The following NKAIN2 variants were observed in gnomAD, a reference collection of about 807,000 sequenced individuals.
NKAIN2 encodes the protein sodium/potassium transporting ATPase interacting 2.
A neutral mutation model predicts 32.6 loss-of-function variants in NKAIN2; 14 were observed. The ratio of observed to expected loss-of-function variants is 0.43; its 90% CI spans 0.28 to 0.67. The LOEUF (loss-of-function observed/expected upper bound fraction) is 0.67. Among genes scored for constraint, NKAIN2 ranks in the 30% least tolerant of loss-of-function variants. The pLI is 0.17. For missense variants in NKAIN2, 198 were observed against 258.3 expected, an observed-to-expected ratio of 0.77 and a Z score of 1.60; for synonymous variants, 80 against 87.2, an observed-to-expected ratio of 0.92 and a Z score of 0.46.
At chr6:124,050,046 C>T (rs1279137240) in intron 1 of NKAIN2, among the ~76,000 whole-genome samples, 2 of 151,874 alleles carry the variant, frequency 1.3e-5, no homozygotes, top group African/African-American at 4.8e-5. Flanking sequence ...AAGAAATTTG[C>T]GTGTAGTATA....
At chr6:124,007,029 C>T (rs1161787820) in intron 1 of NKAIN2, among the ~76,000 whole-genome samples, 1 of 152,126 alleles carries the variant, frequency 6.6e-6, no homozygotes, top group East Asian at 1.9e-4. Context: ...ATTGTGCAAA[C>T]ATCATACAGT....
chr6:124,468,560 A>C (rs906182136), intron 3 of NKAIN2, among the ~76,000 whole-genome samples: 81 of 152,152 alleles, frequency 5.3e-4, no homozygotes, highest in African/African-American at 1.9e-3. Flanking sequence ...ACACATGGTT[A>C]TTACTCAGCC....
At chr6:124,450,699 T>C (rs1358160439) in intron 3 of NKAIN2, among the ~76,000 whole-genome samples, 1 of 151,946 alleles carries the variant, frequency 6.6e-6, no homozygotes, top group Non-Finnish European at 1.5e-5. Context: ...TTAAATACAG[T>C]GAAAATACTA....
intron 1 of NKAIN2, among the ~76,000 whole-genome samples, chr6:124,173,420 G>A (rs1788994074): frequency 6.6e-6 from 1 of 152,042 alleles, no homozygotes. Flanking sequence ...AATGAAGTGA[G>A]ATACCTATTC....
intron 3 of NKAIN2, among the ~76,000 whole-genome samples, chr6:124,442,525 C>A (rs1289553866): frequency 6.6e-6 from 1 of 152,036 alleles, no homozygotes; most frequent in African/African-American, 2.4e-5. Flanking sequence ...GCATGGGGAT[C>A]TAAGACACCG....
At chr6:124,011,193 C>T (rs1780306327) in intron 1 of NKAIN2, among the ~76,000 whole-genome samples, 1 of 152,114 alleles carries the variant, frequency 6.6e-6, no homozygotes, top group South Asian at 2.1e-4. Context: ...CTTTTGTTCT[C>T]CTTCTGACTC....
intron 1 of NKAIN2, among the ~76,000 whole-genome samples, chr6:123,939,862 A>G (rs1031470577): frequency 2.0e-5 from 3 of 151,904 alleles, no homozygotes; most frequent in Non-Finnish European, 4.4e-5. Flanking sequence ...CCATAATGAC[A>G]GAATTCTTCT....
chr6:124,292,246 T>G (rs546972242), intron 2 of NKAIN2, among the ~76,000 whole-genome samples: 21 of 152,130 alleles, frequency 1.4e-4, no homozygotes, highest in Non-Finnish European at 2.4e-4. Flanking sequence ...GCATGCAAAA[T>G]TCTCCCTAGC....
intron 3 of NKAIN2, among the ~76,000 whole-genome samples, chr6:124,366,636 A>T (rs1167873266): frequency 6.6e-6 from 1 of 152,116 alleles, no homozygotes; most frequent in Non-Finnish European, 1.5e-5. Context: ...ATAACAGATT[A>T]CTGAACTCAA....
chr6:124,291,008 A>G (rs1795789357), intron 2 of NKAIN2, among the ~76,000 whole-genome samples: 1 of 152,054 alleles, frequency 6.6e-6, no homozygotes. Context: ...GCTTTCTTAA[A>G]TTCCATCTAT....
chr6:124,713,752 G>A (rs971042896), intron 4 of NKAIN2, among the ~76,000 whole-genome samples: 2 of 152,126 alleles, frequency 1.3e-5, no homozygotes, highest in South Asian at 2.1e-4. Context: ...TCTAGAAATA[G>A]GAGGGTAAAA....
At chr6:124,566,492 T>C (rs770204395) in intron 3 of NKAIN2, among the ~76,000 whole-genome samples, 7 of 152,190 alleles carry the variant, frequency 4.6e-5, no homozygotes, top group Non-Finnish European at 1.0e-4. Context: ...TCTCCTCTTT[T>C]AGATTCCATG....
Position 124,824,733 on chromosome 6 carries a change from A to G in NKAIN2, c.*1504A>G, listed in dbSNP as rs895698297. 6.6e-6 allele frequency: 1 copy of G among 151,864 alleles called. No individual in the cohort carries two copies. The highest frequency in any genetic ancestry group is 2.4e-5 in the African/African-American group (1 of 41,134). 9.4% of individuals were successfully genotyped at this position (151,864 alleles called of 1,614,324 possible). On this transcript the variant is annotated 3_prime_UTR_variant, in exon 7 of 7. Transcript: ENST00000368417. ...CCATTCTTTAGTGCAGTGAAATTCA[A>G]AAGTTATAAATTGGCATGGAGCAAG...
At chr6:124,752,139 G>T (rs1326452864) in intron 4 of NKAIN2, among the ~76,000 whole-genome samples, 5 of 151,846 alleles carry the variant, frequency 3.3e-5, no homozygotes, top group African/African-American at 9.7e-5. Flanking sequence ...AGGCAGTGGA[G>T]GTTACAACCC....
chr6:124,528,614 A>G (rs1427225270), intron 3 of NKAIN2, among the ~76,000 whole-genome samples: 4 of 152,254 alleles, frequency 2.6e-5, no homozygotes, highest in Non-Finnish European at 5.9e-5. Flanking sequence ...TTTCTTCAGA[A>G]TCAGTGCTTG....
intron 3 of NKAIN2, among the ~76,000 whole-genome samples, chr6:124,631,036 AT>A (rs915839778): frequency 1.3e-5 from 2 of 152,202 alleles, no homozygotes; most frequent in African/African-American, 4.8e-5. Flanking sequence ...AATTGCTTGA[AT>A]TTTTTGTAGG....
intron 2 of NKAIN2, among the ~76,000 whole-genome samples, chr6:124,335,823 T>C (rs2115064548): frequency 6.6e-6 from 1 of 152,278 alleles, no homozygotes; most frequent in South Asian, 2.1e-4. Flanking sequence ...TTTTCCTCTT[T>C]ACTGGTTAAG....
At chr6:123,876,218 T>C (rs1773163512) in intron 1 of NKAIN2, among the ~76,000 whole-genome samples, 1 of 152,224 alleles carries the variant, frequency 6.6e-6, no homozygotes, top group Non-Finnish European at 1.5e-5. Context: ...ATATACAATA[T>C]TTCTCCATTC....
intron 2 of NKAIN2, among the ~76,000 whole-genome samples, chr6:124,334,226 C>A (rs1797776521): frequency 6.6e-6 from 1 of 152,148 alleles, no homozygotes; most frequent in Non-Finnish European, 1.5e-5. Flanking sequence ...TGTACCAGAA[C>A]CCTTGAGCCC....
Sources: allele counts gnomAD v4.1 joint callset (sites outside exome capture counted in the v4.1 genomes callset), GRCh38; gene constraint gnomAD v4.1.1; transcripts MANE v1.5; gene names NCBI Gene and HGNC (gene_info 2026-07-23, HGNC 2026-07-21).